Variants in TMPRSS4 observed in about 807,000 individuals in gnomAD.
The protein encoded by TMPRSS4 is transmembrane serine protease 4, also known as transmembrane protease serine 4.
A neutral mutation model predicts 56.4 loss-of-function variants in TMPRSS4; 45 were observed. The ratio of observed to expected loss-of-function variants is 0.80; its 90% confidence interval spans 0.63 to 1.02. TMPRSS4 has a LOEUF of 1.02. Ranked by LOEUF, TMPRSS4 falls within the 50% of genes least tolerant of loss-of-function variation. The probability of loss-of-function intolerance (pLI) is 0.00; values close to 1 mark genes in which losing one functional copy is unlikely to be tolerated. For missense variants in TMPRSS4, 546 were observed against 556.7 expected (o/e 0.98, Z 0.19); for synonymous variants, 205 against 211.0 (o/e 0.97, Z 0.25).
At position 118,104,684 on chromosome 11, in the gene TMPRSS4, C is replaced by T. The variant is rs768764011; in HGVS notation, c.311-7C>T. 7.4e-6 allele frequency: 12 copies of T among 1,613,556 alleles called. No individual in the cohort carries two copies. In the African/African-American group the frequency reaches 1.1e-4, roughly 14 times the overall value. On this transcript the variant is annotated splice_region_variant and splice_polypyrimidine_tract_variant and intron_variant, in intron 4 of 12. Coordinates refer to ENST00000437212, the MANE Select transcript of TMPRSS4 (RefSeq NM_019894.4). ...GTTCCATCTAACTCAGGTTCCTTTCCTCCCAGTCCGCCTCTCCAAGGACCG... is the reference window on the plus strand; with the variant it reads ...GTTCCATCTAACTCAGGTTCCTTTCTTCCCAGTCCGCCTCTCCAAGGACCG...
chr11:118,117,130 T>C (rs1171818634), intron 11 of TMPRSS4, among the ~76,000 whole-genome samples, 175 bp from the exon 12 acceptor site: 1 of 152,220 alleles, frequency 6.6e-6, no homozygotes, highest in Non-Finnish European at 1.5e-5. Flanking sequence ...CAAGCCTTTC[T>C]GCCCCAGAAG....
chr11:118,110,714 T>G (rs1046166177), intron 7 of TMPRSS4, among the ~76,000 whole-genome samples: 1 of 152,150 alleles, frequency 6.6e-6, no homozygotes, highest in African/African-American at 2.4e-5. Context: ...CCCTCACATG[T>G]GCAGTTCACA....
intron 1 of TMPRSS4, among the ~76,000 whole-genome samples, chr11:118,084,583 A>T (rs1945398395): frequency 6.6e-6 from 1 of 152,192 alleles, no homozygotes; most frequent in South Asian, 2.1e-4. Flanking sequence ...AACAAACGAG[A>T]ATCCTCAACC....
chr11:118,100,782 C>G (rs145271416), intron 3 of TMPRSS4, among the ~76,000 whole-genome samples: 153 of 152,278 alleles, frequency 1.0e-3, no homozygotes, highest in African/African-American at 3.5e-3. Flanking sequence ...AGTTATCCAG[C>G]GAAAGCCAAG....
At chr11:118,111,579 C>T (rs999433148) in intron 7 of TMPRSS4, among the ~76,000 whole-genome samples, 162 bp from the exon 8 acceptor site, 4 of 152,202 alleles carry the variant, frequency 2.6e-5, no homozygotes, top group African/African-American at 9.6e-5. Flanking sequence ...GTCTGGGACA[C>T]TCAATACCTC....
chr11:118,108,530 G>T, intron 6 of TMPRSS4: 1 of 325,888 alleles, frequency 3.1e-6, no homozygotes, highest in Non-Finnish European at 5.6e-6. Flanking sequence ...TCTTCCATTT[G>T]GAAAGCCCAC....
At chr11:118,115,385 T>C in intron 11 of TMPRSS4, 105 bp downstream of exon 11, 1 of 1,390,548 alleles carries the variant, frequency 7.2e-7, no homozygotes, top group East Asian at 2.3e-5. Context: ...TTGCATATCA[T>C]GGGCACTCAA....
intron 1 of TMPRSS4, among the ~76,000 whole-genome samples, chr11:118,078,041 A>C (rs1383249432): frequency 1.1e-5 from 1 of 88,670 alleles, no homozygotes; most frequent in Admixed American, 1.5e-4. Flanking sequence ...AAAAAAAAAA[A>C]AAAGAAAGAA....
At chr11:118,099,426 CAG>C (rs908827049) in intron 3 of TMPRSS4, among the ~76,000 whole-genome samples, 4 of 127,166 alleles carry the variant, frequency 3.1e-5, no homozygotes, top group African/African-American at 1.2e-4. Context: ...GAGAAAAAAA[CAG>C]AGAGAGAAAA....
Position 118,113,402 on chromosome 11 carries a change from C to G in TMPRSS4, c.877C>G (p.Leu293Val). Residue 293 changes from leucine (L) to valine (V), a missense_variant, in exon 9 of 13, where the codon CTC becomes GTC. Transcript: ENST00000437212. ...PMYPKDNDIA[L>V]MKLQFPLTFS... is the part of the protein sequence containing the mutation. Reference sequence around the variant, plus strand: ...GTACCCCAAAGACAATGACATCGCCCTCATGAAGCTGCAGTTCCCACTCAC... The same window carrying G: ...GTACCCCAAAGACAATGACATCGCCGTCATGAAGCTGCAGTTCCCACTCAC... 1 of 1,614,180 alleles carries G rather than the reference C, an allele frequency of 6.2e-7. No homozygotes were observed. The highest frequency in any genetic ancestry group is 1.1e-5 in the South Asian group (1 of 91,072).
rs200588716 is a variant in TMPRSS4 at position 118,099,008 on chromosome 11, C to T, written c.67C>T (p.Arg23Cys). Residue 23 changes from arginine (R) to cysteine (C), a missense_variant, in exon 3 of 13, where the codon CGT becomes TGT. Coordinates refer to ENST00000437212, the MANE Select transcript of TMPRSS4 (RefSeq NM_019894.4). ...AGATGTCAAACCCCTGCGCAAACCC[C>T]GTATCCCCATGGAGACCTTCAGAAA... ...SLDVKPLRKP[R>C]IPMETFRKVG... The T allele has an allele frequency of 5.0e-6, 8 of 1,613,862 alleles. No homozygotes were observed. Among genetic ancestry groups the T allele is most frequent in the Middle Eastern group, 1.7e-4 (1 of 6,058 alleles).
chr11:118,115,116 G>C (rs367610723), intron 10 of TMPRSS4, 22 bp from the exon 11 acceptor site: 1 of 1,605,288 alleles, frequency 6.2e-7, no homozygotes, highest in Non-Finnish European at 8.5e-7. Context: ...GGATGGGAAT[G>C]TGAGTGTTTT....
chr11:118,113,572 C>T, intron 9 of TMPRSS4, 137 bp downstream of exon 9: 1 of 947,452 alleles, frequency 1.1e-6, no homozygotes, highest in Admixed American at 2.4e-5. Context: ...TCTAATACGT[C>T]AGCCTAACAT....
chr11:118,113,149 A>G (rs45468002), intron 8 of TMPRSS4, 120 bp from the exon 9 acceptor site: 92 of 993,792 alleles, frequency 9.3e-5, no homozygotes, highest in Non-Finnish European at 1.3e-4. Flanking sequence ...CCTCACCATC[A>G]TCTTTCCTCC....
chr11:118,124,493 G>A (rs1309028475), downstream of TMPRSS4, among the ~76,000 whole-genome samples: 1 of 152,152 alleles, frequency 6.6e-6, no homozygotes, highest in East Asian at 1.9e-4. Flanking sequence ...GAAATCTAGG[G>A]AATAGATTTT....
At chr11:118,111,024 G>A (rs530507934) in intron 7 of TMPRSS4, among the ~76,000 whole-genome samples, 24 of 152,344 alleles carry the variant, frequency 1.6e-4, no homozygotes, top group African/African-American at 5.1e-4. Context: ...TTGCAGGAGC[G>A]GGCAAGGTGG....
downstream of TMPRSS4, among the ~76,000 whole-genome samples, chr11:118,123,236 C>T (rs943261011): frequency 1.3e-5 from 2 of 152,096 alleles, no homozygotes; most frequent in African/African-American, 4.8e-5. Context: ...GCTATCATCA[C>T]CTTACCCACT....
At position 118,116,811 on chromosome 11, in the gene TMPRSS4, C is replaced by T. The variant is rs915609346; in HGVS notation, c.1153-494C>T. 2.0e-5 allele frequency among the ~76,000 whole-genome samples: 3 copies of T among 146,508 alleles called. 1 individual carries two copies. The highest frequency in any genetic ancestry group is 4.4e-4 in the South Asian group (2 of 4,560). On this transcript the variant is annotated intron_variant, in intron 11 of 12. Coordinates refer to ENST00000437212, the MANE Select transcript of TMPRSS4 (RefSeq NM_019894.4). ...TCACTGCAGCCTCCGCCTCTGGGTT[C>T]GAATGATTCTCCACCTCAGCCTCCT...
chr11:118,107,891 C>A lies in TMPRSS4; in HGVS notation c.542+16C>A, dbSNP rs1947077270. On this transcript the variant is annotated intron_variant, in intron 6 of 12. Coordinates refer to ENST00000437212, the MANE Select transcript of TMPRSS4 (RefSeq NM_019894.4). ...ACTCAAGTGGGTAAGTGAGGGGACACCTTCTGGCCTACAGAAGGCCCCCAC... is the reference window on the plus strand; with the variant it reads ...ACTCAAGTGGGTAAGTGAGGGGACAACTTCTGGCCTACAGAAGGCCCCCAC... 1 of 1,610,558 alleles carries A rather than the reference C, an allele frequency of 6.2e-7. No individual in the cohort carries two copies. The highest frequency in any genetic ancestry group is 8.5e-7 in the Non-Finnish European group (1 of 1,177,762).
Sources: allele counts gnomAD v4.1 joint callset (sites outside exome capture counted in the v4.1 genomes callset), GRCh38; gene constraint gnomAD v4.1.1; transcripts MANE v1.5; gene names NCBI Gene and HGNC (gene_info 2026-07-23, HGNC 2026-07-21).